Variants in C11orf54 observed in about 807,000 individuals in gnomAD.
C11orf54 encodes beta-keto L-gulonate decarboxylase.
In C11orf54, 29 loss-of-function variants were observed where a neutral mutation model predicts 35.5. The ratio of observed to expected loss-of-function variants is 0.82; its 90% confidence interval spans 0.61 to 1.11. C11orf54 has a LOEUF of 1.11. Among genes scored for constraint, C11orf54 ranks in the 50% most tolerant of loss-of-function variants. The pLI is 0.00. For missense variants in C11orf54, 373 were observed against 369.2 expected (o/e 1.01, Z -0.08); for synonymous variants, 108 against 121.1 (o/e 0.89, Z 0.71).
At chr11:93,758,622 G>C (rs1242888559) in intron 7 of C11orf54, among the ~76,000 whole-genome samples, 3 of 152,260 alleles carry the variant, frequency 2.0e-5, no homozygotes, top group Non-Finnish European at 4.4e-5. Context: ...CGCTGTCGCA[G>C]CCCAGCCAGG....
At chr11:93,757,548 T>A (rs1021775533) in intron 7 of C11orf54, 83 bp downstream of exon 7, 79 of 1,242,266 alleles carry the variant, frequency 6.4e-5, no homozygotes, top group African/African-American at 2.7e-4. Flanking sequence ...TTTTTTTTTT[T>A]AAACGGATCC....
chr11:93,746,039 A>T (rs1942451792), intron 1 of C11orf54: 1 of 152,262 alleles, frequency 6.6e-6, no homozygotes, highest in Non-Finnish European at 1.5e-5. Flanking sequence ...GATTACATGT[A>T]TTAAATCAAG....
rs1456925057 is a variant in C11orf54, at chr11:93,755,645, G to GC, written c.507+259_507+260insC. On this transcript the variant is annotated intron_variant, in intron 6 of 8. Coordinates refer to ENST00000354421, the MANE Select transcript of C11orf54 (RefSeq NM_001286069.2). The stretch of plus-strand genomic sequence containing the variant: ...TGTGTGCCTGTAATCCCAGCTACTC[G>GC]GGGGGGCTGAGGTGAGAGAATCGCT... Among the ~76,000 whole-genome samples, 6 of 150,268 alleles carry GC rather than the reference G, an allele frequency of 4.0e-5. No individual in the cohort carries two copies. In the Admixed American group the frequency reaches 4.0e-4, roughly 10 times the overall value.
At chr11:93,761,036 T>C (rs1312564137) in intron 8 of C11orf54, among the ~76,000 whole-genome samples, 1 of 152,114 alleles carries the variant, frequency 6.6e-6, no homozygotes, top group African/African-American at 2.4e-5. Flanking sequence ...AAATTACTAG[T>C]TAAAAGGTTA....
intron 2 of C11orf54, among the ~76,000 whole-genome samples, chr11:93,748,234 A>G (rs983067805): frequency 9.9e-5 from 15 of 151,958 alleles, no homozygotes; most frequent in Non-Finnish European, 1.5e-5. Flanking sequence ...CTAATAAACA[A>G]TCTGTATTGT....
chr11:93,750,418 A>C lies in C11orf54; in HGVS notation c.128A>C (p.Lys43Thr). ...VSVVDCPDLT[K>T]EPFTFPVKGI... Reference sequence around the variant, plus strand: ...GTAGTTGATTGCCCTGATTTGACTAAGGAACCCTTTACCTTTCCTGTAAAA... The same window carrying C: ...GTAGTTGATTGCCCTGATTTGACTACGGAACCCTTTACCTTTCCTGTAAAA... The change falls in exon 3 of 9, where the codon AAG (lysine) becomes ACG (threonine). Residue 43 changes from lysine (K) to threonine (T), a missense_variant. By Grantham distance (78) the Lys-to-Thr change is moderately conservative. Coordinates refer to ENST00000354421, the MANE Select transcript of C11orf54 (RefSeq NM_001286069.2). 6.2e-7 allele frequency: 1 copy of C among 1,613,798 alleles called. No individual in the cohort carries two copies. The highest frequency in any genetic ancestry group is 8.5e-7 in the Non-Finnish European group (1 of 1,179,816).
At position 93,755,342 on chromosome 11, in the gene C11orf54, G is replaced by A. The variant is rs773550494; in HGVS notation, c.463G>A (p.Ala155Thr). ...YSEKCHDFQCALLANLFASEG... is the reference protein window; with the variant it reads ...YSEKCHDFQCTLLANLFASEG... Reference sequence around the variant, plus strand: ...TGAGAAATGTCATGATTTTCAGTGTGCATTACTGGCTAATCTTTTTGCCAG... The same window carrying A: ...TGAGAAATGTCATGATTTTCAGTGTACATTACTGGCTAATCTTTTTGCCAG... The change falls in exon 6 of 9, where the codon GCA becomes ACA. Residue 155 changes from alanine (A) to threonine (T), a missense_variant. By Grantham distance (58) the Ala-to-Thr change is moderately conservative. Transcript: ENST00000354421. The A allele has an allele frequency of 6.2e-7, 1 of 1,614,134 alleles. No individual in the cohort carries two copies. Among genetic ancestry groups the A allele is most frequent in the Non-Finnish European group, 8.5e-7 (1 of 1,180,002 alleles).
At chr11:93,743,891 C>T (rs1942303373) in intron 1 of C11orf54, among the ~76,000 whole-genome samples, 1 of 152,242 alleles carries the variant, frequency 6.6e-6, no homozygotes, top group Admixed American at 6.5e-5. Context: ...ATACTGTTTG[C>T]CTCCATCTGG....
intron 3 of C11orf54, among the ~76,000 whole-genome samples, chr11:93,751,950 G>T (rs1329942149): frequency 1.3e-5 from 2 of 149,836 alleles, no homozygotes; most frequent in African/African-American, 4.9e-5. Context: ...GGGTTCAGGC[G>T]ATTCTCATAC....
At chr11:93,749,343 A>ATGG (rs1212569004) in intron 2 of C11orf54, among the ~76,000 whole-genome samples, 1 of 151,728 alleles carries the variant, frequency 6.6e-6, no homozygotes, top group Non-Finnish European at 1.5e-5. Flanking sequence ...TTAGCCAATC[A>ATGG]TGGTGGCATC....
At position 93,755,377 on chromosome 11, in the gene C11orf54, A is replaced by T; in HGVS notation, c.498A>T (p.Gln166His). Residue 166 changes from glutamine (Q) to histidine (H), a missense_variant, in exon 6 of 9, where the codon CAA becomes CAT. Physicochemically the swap from Gln to His is conservative, Grantham distance 24 (BLOSUM62 0). Coordinates refer to ENST00000354421, the MANE Select transcript of C11orf54 (RefSeq NM_001286069.2). ...LLANLFASEG[Q>H]PGKVIEVKAK... ...CTAATCTTTTTGCCAGTGAAGGCCA[A>T]CCTGGCAAGGTGATTGTGTCCATAA... 6.2e-7 allele frequency: 1 copy of T among 1,613,822 alleles called. No homozygotes were observed. Among genetic ancestry groups the T allele is most frequent in the Non-Finnish European group, 8.5e-7 (1 of 1,179,760 alleles).
intron 1 of C11orf54, among the ~76,000 whole-genome samples, chr11:93,744,238 C>T (rs918026704): frequency 6.6e-6 from 1 of 152,198 alleles, no homozygotes; most frequent in African/African-American, 2.4e-5. Context: ...CACTTATCCA[C>T]TAATCCCTAA....
At chr11:93,755,629 G>A (rs940354845) in intron 6 of C11orf54, among the ~76,000 whole-genome samples, 3 of 151,626 alleles carry the variant, frequency 2.0e-5, no homozygotes, top group Non-Finnish European at 2.9e-5. Context: ...GTGTGTGCCT[G>A]TAATCCCAGC....
At chr11:93,749,141 C>G (rs542031665) in intron 2 of C11orf54, among the ~76,000 whole-genome samples, 2 of 133,394 alleles carry the variant, frequency 1.5e-5, no homozygotes, top group African/African-American at 2.9e-5. Flanking sequence ...GAGACTCCAT[C>G]TCAAAAAAAA....
Position 93,754,016 on chromosome 11 carries a change from G to A in C11orf54, c.309G>A (p.Gln103=). 6.2e-7 allele frequency: 1 copy of A among 1,614,034 alleles called. No homozygotes were observed. Among genetic ancestry groups the A allele is most frequent in the African/African-American group, 1.3e-5 (1 of 75,050 alleles). The change falls in exon 5 of 9, where the codon CAG becomes CAA. Residue 103 remains glutamine, a synonymous_variant. Coordinates refer to ENST00000354421, the MANE Select transcript of C11orf54 (RefSeq NM_001286069.2). ...FILGAGAGPF[Q]TLGFNSEFMP... ...TTGGAGCAGGAGCAGGTCCATTTCA[G>A]ACTCTCGGGTTCAATTCTGAGGTCA...
intron 5 of C11orf54, 178 bp from the exon 6 acceptor site, chr11:93,755,032 C>A: frequency 1.6e-6 from 1 of 631,308 alleles, no homozygotes; most frequent in Non-Finnish European, 2.5e-6. Flanking sequence ...CCACAGCGCC[C>A]GGCCTATAAA....
intron 1 of C11orf54, chr11:93,742,266 G>T (rs1342293731): frequency 6.6e-6 from 1 of 152,388 alleles, no homozygotes; most frequent in Non-Finnish European, 1.5e-5. Context: ...AGTTTTGGTG[G>T]GGTTTTTTTC....
Position 93,754,047 on chromosome 11 carries a change from T to C in C11orf54, c.330+10T>C, listed in dbSNP as rs1160955704. ...CGGGTTCAATTCTGAGGTCAGCATATATAAGAAAATTATTTTACTTTATTG... is the reference window on the plus strand; with the variant it reads ...CGGGTTCAATTCTGAGGTCAGCATACATAAGAAAATTATTTTACTTTATTG... On this transcript the variant is annotated intron_variant, in intron 5 of 8. Transcript: ENST00000354421. The C allele has an allele frequency of 1.2e-6, 2 of 1,600,432 alleles. No individual in the cohort carries two copies. The highest frequency in any genetic ancestry group is 1.7e-5 in the Admixed American group (1 of 57,304).
At position 93,747,351 on chromosome 11, in the gene C11orf54, A is replaced by T. The variant is rs754578352; in HGVS notation, c.-43A>T. On this transcript the variant is annotated 5_prime_UTR_variant, in exon 2 of 9. Coordinates refer to ENST00000354421, the MANE Select transcript of C11orf54 (RefSeq NM_001286069.2). ...TGGACTCTTGTGATAATTAACCAAG[A>T]GTAGCTCTATTTGTCCAACCTCACA... 4.7e-6 allele frequency: 7 copies of T among 1,499,954 alleles called. No homozygotes were observed. The highest frequency in any genetic ancestry group is 2.2e-5 in the Admixed American group (1 of 46,354). The allele number at this position is 1,499,954 out of a possible 1,614,324, so 92.9% of individuals were successfully genotyped here.
Sources: gnomAD v4.1 joint callset for allele counts (sites outside exome capture counted in the v4.1 genomes callset) on GRCh38, gnomAD v4.1.1 for gene constraint, MANE v1.5 for transcripts, NCBI Gene and HGNC (gene_info 2026-07-23, HGNC 2026-07-21) for gene names.